DPP10: variants seen among roughly 807,000 people sequenced by gnomAD.
DPP10 encodes dipeptidyl peptidase like 10.
DPP10 carries 33 observed loss-of-function variants against 120.9 expected under a neutral mutation model. The observed-to-expected ratio is 0.27, with a 90% CI of 0.21 to 0.37. DPP10 has a LOEUF of 0.37. DPP10 is among the 10% of genes least tolerant of loss of function. The pLI is 1.00. For missense variants in DPP10, 816 were observed against 942.8 expected, an observed-to-expected ratio of 0.87 and a Z score of 1.76; for synonymous variants, 337 against 326.1, an observed-to-expected ratio of 1.03 and a Z score of -0.36.
intron 1 of DPP10, among the ~76,000 whole-genome samples, chr2:114,642,558 A>G (rs962098308): frequency 1.3e-5 from 2 of 151,914 alleles, no homozygotes; most frequent in Admixed American, 1.3e-4. Context: ...GCAGATGGGT[A>G]AGTAAGCTGC....
intron 1 of DPP10, among the ~76,000 whole-genome samples, chr2:114,840,059 A>G (rs1316170839): frequency 1.3e-5 from 2 of 152,140 alleles, no homozygotes; most frequent in Non-Finnish European, 2.9e-5. Flanking sequence ...CCCCTCCACA[A>G]ACATCCCCAC....
At chr2:115,033,726 G>A (rs895788637) in intron 1 of DPP10, among the ~76,000 whole-genome samples, 10 of 142,638 alleles carry the variant, frequency 7.0e-5, no homozygotes, top group East Asian at 2.1e-4. Context: ...TTAGAGATAC[G>A]GTGTTGTTCT....
chr2:114,816,453 C>A (rs931582652), intron 1 of DPP10, among the ~76,000 whole-genome samples: 1 of 152,072 alleles, frequency 6.6e-6, no homozygotes, highest in Non-Finnish European at 1.5e-5. Context: ...GTTTGCTGAC[C>A]CCTCCCTAGA....
intron 1 of DPP10, among the ~76,000 whole-genome samples, chr2:115,198,632 ATTTAC>A (rs1164051964): frequency 6.6e-6 from 1 of 152,000 alleles, no homozygotes; most frequent in African/African-American, 2.4e-5. Context: ...CCCTAGAGGG[ATTTAC>A]TTAAAATTGC....
At chr2:115,804,392 C>T (rs1559176456) in intron 19 of DPP10, among the ~76,000 whole-genome samples, 2 of 152,100 alleles carry the variant, frequency 1.3e-5, no homozygotes, top group Non-Finnish European at 2.9e-5. Context: ...TCCTTTAGCT[C>T]GGAGTAGTTT....
intron 1 of DPP10, among the ~76,000 whole-genome samples, chr2:115,229,040 T>C (rs1422170657): frequency 1.3e-5 from 2 of 152,162 alleles, no homozygotes; most frequent in East Asian, 1.9e-4. Context: ...CCAGCACTTA[T>C]TACTGCCTGT....
chr2:115,049,215 C>A (rs910472818), intron 1 of DPP10, among the ~76,000 whole-genome samples: 1 of 151,798 alleles, frequency 6.6e-6, no homozygotes, highest in South Asian at 2.1e-4. Context: ...TATTATGATA[C>A]AAATAATAAT....
Position 114,579,518 on chromosome 2 carries a change from T to G in DPP10, c.60+136680T>G, listed in dbSNP as rs139097458. Among the ~76,000 whole-genome samples the G allele has an allele frequency of 7.1e-3, 1,084 of 152,350 alleles. 16 individuals carry two copies. The highest frequency in any genetic ancestry group is 0.024 in the African/African-American group (1,003 of 41,578). ...TTTAGAAATAAGTACCTTGACATTTTCAGCCCCTAAGAGAACCTTTTACCC... is the reference window on the plus strand; with the variant it reads ...TTTAGAAATAAGTACCTTGACATTTGCAGCCCCTAAGAGAACCTTTTACCC... On this transcript the variant is annotated intron_variant, in intron 1 of 25. Transcript: ENST00000410059.
At chr2:115,070,854 T>G (rs1224877440) in intron 1 of DPP10, among the ~76,000 whole-genome samples, 1 of 152,182 alleles carries the variant, frequency 6.6e-6, no homozygotes, top group African/African-American at 2.4e-5. Context: ...TAACTTAGAA[T>G]TTTCTCAAAT....
At chr2:115,527,677 C>T (rs1459706953) in intron 5 of DPP10, among the ~76,000 whole-genome samples, 2 of 151,996 alleles carry the variant, frequency 1.3e-5, no homozygotes, top group Non-Finnish European at 2.9e-5. Flanking sequence ...ATAACAAAAA[C>T]ACAACTATAC....
intron 1 of DPP10, among the ~76,000 whole-genome samples, chr2:115,081,340 G>C (rs1361904935): frequency 6.6e-6 from 1 of 152,084 alleles, no homozygotes; most frequent in Non-Finnish European, 1.5e-5. Context: ...TTAAACTCAA[G>C]ATAATTGTTT....
At chr2:114,900,191 G>A (rs1352905774) in intron 1 of DPP10, among the ~76,000 whole-genome samples, 1 of 152,152 alleles carries the variant, frequency 6.6e-6, no homozygotes, top group East Asian at 1.9e-4. Flanking sequence ...AAGAGGGTAG[G>A]ACTTCACATT....
intron 1 of DPP10, among the ~76,000 whole-genome samples, chr2:114,917,460 A>G (rs1163252116): frequency 6.6e-6 from 1 of 152,178 alleles, no homozygotes; most frequent in African/African-American, 2.4e-5. Flanking sequence ...AAATTAGAAA[A>G]AAGCTATTCT....
At chr2:115,065,461 G>A (rs935905711) in intron 1 of DPP10, 1 of 152,146 alleles carries the variant, frequency 6.6e-6, no homozygotes, top group African/African-American at 2.4e-5. Context: ...CTTAGCAGAA[G>A]ATCTGAGGAT....
chr2:115,151,462 C>A (rs923727707), intron 1 of DPP10, among the ~76,000 whole-genome samples: 20 of 149,022 alleles, frequency 1.3e-4, no homozygotes, highest in African/African-American at 4.7e-4. Flanking sequence ...CCCGGGAGTG[C>A]AATGGTGTGA....
chr2:115,488,849 G>A (rs1341923164), intron 3 of DPP10, among the ~76,000 whole-genome samples: 2 of 117,168 alleles, frequency 1.7e-5, no homozygotes, highest in Non-Finnish European at 3.5e-5. Context: ...CCTGCACAAT[G>A]TGCACATGTA....
intron 1 of DPP10, among the ~76,000 whole-genome samples, chr2:115,023,361 T>A (rs1703214538): frequency 6.6e-6 from 1 of 152,032 alleles, no homozygotes; most frequent in South Asian, 2.1e-4. Flanking sequence ...CTAAAAAAGA[T>A]ATACAAATGG....
At chr2:114,918,391 A>G (rs772949349) in intron 1 of DPP10, among the ~76,000 whole-genome samples, 5 of 152,186 alleles carry the variant, frequency 3.3e-5, no homozygotes, top group South Asian at 4.1e-4. Context: ...CAGTTTGGAT[A>G]TTCTCATAGA....
chr2:115,145,443 C>T (rs2051170768), intron 1 of DPP10, among the ~76,000 whole-genome samples: 1 of 152,080 alleles, frequency 6.6e-6, no homozygotes, highest in Admixed American at 6.6e-5. Flanking sequence ...TAGTAATATG[C>T]ACTTAGGATT....
Sources: gnomAD v4.1 joint callset for allele counts (sites outside exome capture counted in the v4.1 genomes callset) on GRCh38, gnomAD v4.1.1 for gene constraint, MANE v1.5 for transcripts, NCBI Gene and HGNC (gene_info 2026-07-23, HGNC 2026-07-21) for gene names.